Variants in RNF169 observed in about 807,000 individuals in gnomAD.
RNF169 encodes E3 ubiquitin-protein ligase RNF169.
RNF169 carries 24 observed loss-of-function variants against 53.9 expected under a neutral mutation model. That is an observed-to-expected ratio of 0.45 (90% confidence interval 0.32 to 0.63). The LOEUF (loss-of-function observed/expected upper bound fraction) is 0.63, where lower values mean the gene tolerates loss of function less well. Ranked by LOEUF, RNF169 falls within the 20% of genes least tolerant of loss-of-function variation. RNF169 has a pLI of 0.04. For missense variants in RNF169, 883 were observed against 906.2 expected (o/e 0.97, Z 0.33); for synonymous variants, 396 against 363.5 (o/e 1.09, Z -1.02).
intron 4 of RNF169, among the ~76,000 whole-genome samples, chr11:74,817,936 T>A: frequency 6.6e-6 from 1 of 152,196 alleles, no homozygotes; most frequent in East Asian, 1.9e-4. Flanking sequence ...AGGATAGGAT[T>A]GTGCTAATTG....
chr11:74,773,757 C>T (rs1243247018), intron 1 of RNF169, among the ~76,000 whole-genome samples: 1 of 152,188 alleles, frequency 6.6e-6, no homozygotes, highest in African/African-American at 2.4e-5. Context: ...TATTCTACTA[C>T]TTAGTAGCTG....
intron 2 of RNF169, among the ~76,000 whole-genome samples, chr11:74,804,274 A>G (rs905496109): frequency 3.9e-5 from 6 of 152,180 alleles, no homozygotes; most frequent in African/African-American, 1.4e-4. Context: ...AGCTGCTAGG[A>G]TAGGCTCTGG....
At chr11:74,764,503 G>A (rs2035142341) in intron 1 of RNF169, among the ~76,000 whole-genome samples, 1 of 152,070 alleles carries the variant, frequency 6.6e-6, no homozygotes. Flanking sequence ...GCAACCATGA[G>A]CAAAACTCCA....
At chr11:74,805,577 A>G (rs531415053) in intron 2 of RNF169, among the ~76,000 whole-genome samples, 5 of 152,362 alleles carry the variant, frequency 3.3e-5, no homozygotes, top group African/African-American at 1.2e-4. Flanking sequence ...TGAAAGGTCA[A>G]ATAATAAGCT....
chr11:74,780,007 T>G (rs1565175152), intron 1 of RNF169, among the ~76,000 whole-genome samples: 1 of 152,164 alleles, frequency 6.6e-6, no homozygotes, highest in Admixed American at 6.5e-5. Flanking sequence ...TATGGATAAT[T>G]GCCTTGTTTC....
chr11:74,813,883 C>T (rs1050169696), intron 3 of RNF169, among the ~76,000 whole-genome samples: 4 of 152,082 alleles, frequency 2.6e-5, no homozygotes, highest in South Asian at 2.1e-4. Context: ...GTAGAGATGG[C>T]GTTTCACCAT....
At position 74,749,110 on chromosome 11, in the gene RNF169, A is replaced by G; in HGVS notation, c.230A>G (p.Glu77Gly). The G allele has an allele frequency of 7.1e-7, 1 of 1,414,804 alleles. No individual in the cohort carries two copies. The highest frequency in any genetic ancestry group is 9.2e-7 in the Non-Finnish European group (1 of 1,082,326). The allele number at this position is 1,414,804 out of a possible 1,614,324, so 87.6% of individuals were successfully genotyped here. Reference sequence around the variant, plus strand: ...GCCGGGTGCCTGGAGCCCCCCGGAGAAGCAGCGGCCCTGCCGTGCGGCCAC... The same window carrying G: ...GCCGGGTGCCTGGAGCCCCCCGGAGGAGCAGCGGCCCTGCCGTGCGGCCAC... ...GCAGCLEPPG[E>G]AAALPCGHSL... is the part of the protein sequence containing the mutation. The change falls in exon 1 of 6, where the codon GAA becomes GGA. Residue 77 changes from glutamate (E) to glycine (G), a missense_variant. This residue lies in a region of RNF169 where 313 missense variants were observed against 279.9 expected (regional missense o/e 1.12). Coordinates refer to ENST00000299563, the MANE Select transcript of RNF169 (RefSeq NM_001098638.2).
At chr11:74,809,057 C>G (rs1196589438) in intron 2 of RNF169, among the ~76,000 whole-genome samples, 1 of 152,054 alleles carries the variant, frequency 6.6e-6, no homozygotes, top group East Asian at 1.9e-4. Context: ...AAATCAGAAA[C>G]ATAAGGCTAA....
intron 2 of RNF169, among the ~76,000 whole-genome samples, chr11:74,809,196 TAAG>T (rs2035842555): frequency 6.6e-6 from 1 of 152,158 alleles, no homozygotes; most frequent in Non-Finnish European, 1.5e-5. Flanking sequence ...ATTTTTTTCT[TAAG>T]AATAATTAAA....
intron 1 of RNF169, among the ~76,000 whole-genome samples, chr11:74,780,637 T>C (rs1175973726): frequency 6.6e-6 from 1 of 152,234 alleles, no homozygotes; most frequent in Non-Finnish European, 1.5e-5. Context: ...TGTAGTTTCA[T>C]CATGAAAATC....
At chr11:74,756,248 G>A (rs992661417) in intron 1 of RNF169, among the ~76,000 whole-genome samples, 1 of 152,202 alleles carries the variant, frequency 6.6e-6, no homozygotes, top group African/African-American at 2.4e-5. Flanking sequence ...CAACTGAAAT[G>A]TGGTATTATA....
At position 74,791,076 on chromosome 11, in the gene RNF169, G is replaced by A. The variant is rs116959745; in HGVS notation, c.576+1377G>A. ...GTACAGCGAAGAGAAGCTTTATTGA[G>A]TGACAGTACAGCTCTCAAGAGACTG... On this transcript the variant is annotated intron_variant, in intron 2 of 5. Transcript: ENST00000299563. Among the ~76,000 whole-genome samples the A allele has an allele frequency of 1.6e-3, 248 of 152,342 alleles. 8 individuals carry two copies. In the East Asian group the frequency reaches 0.042, roughly 26 times the overall value.
rs545532340 is a variant in RNF169 at position 74,818,401 on chromosome 11, CT to C, written c.842+697del. Among the ~76,000 whole-genome samples, 319 of 149,214 alleles carry C rather than the reference CT, an allele frequency of 2.1e-3. 1 individual carries two copies. The highest frequency in any genetic ancestry group is 2.5e-3 in the Non-Finnish European group (169 of 66,972). On this transcript the variant is annotated intron_variant, in intron 4 of 5. Transcript: ENST00000299563. ...TAATATACAGATGTAAAGATACAAT[CT>C]TTTTTTTTTAGACAGTGTCTCACTC...
At chr11:74,810,362 C>T (rs1396003953) in intron 3 of RNF169, 32 bp downstream of exon 3, 1 of 1,607,656 alleles carries the variant, frequency 6.2e-7, no homozygotes, top group Non-Finnish European at 8.5e-7. Flanking sequence ...TGGATACCTG[C>T]CTCAAAAATC....
chr11:74,828,632 T>C (rs765541192), intron 4 of RNF169, among the ~76,000 whole-genome samples: 7 of 152,118 alleles, frequency 4.6e-5, no homozygotes, highest in Non-Finnish European at 1.0e-4. Flanking sequence ...CAGCCTGATA[T>C]TGATACAAGA....
chr11:74,796,649 T>C (rs995533573), intron 2 of RNF169, among the ~76,000 whole-genome samples: 1 of 152,098 alleles, frequency 6.6e-6, no homozygotes, highest in African/African-American at 2.4e-5. Context: ...TTTGAATCAT[T>C]GGACTCTGAA....
At chr11:74,774,876 TTGAA>T (rs1200652411) in intron 1 of RNF169, among the ~76,000 whole-genome samples, 1 of 152,102 alleles carries the variant, frequency 6.6e-6, no homozygotes, top group Non-Finnish European at 1.5e-5. Flanking sequence ...GGAGGATTGC[TTGAA>T]TCTGGGAGGC....
intron 1 of RNF169, among the ~76,000 whole-genome samples, chr11:74,767,768 G>A (rs1047635794): frequency 2.0e-5 from 3 of 151,652 alleles, no homozygotes; most frequent in African/African-American, 7.3e-5. Context: ...TAGTAGAGAC[G>A]GGGTTTCACC....
chr11:74,802,206 G>A (rs1308897265), intron 2 of RNF169, among the ~76,000 whole-genome samples: 1 of 152,088 alleles, frequency 6.6e-6, no homozygotes, highest in Non-Finnish European at 1.5e-5. Context: ...CCCCCTATAA[G>A]CCCTATACCC....
Sources: gnomAD v4.1 joint callset for allele counts (sites outside exome capture counted in the v4.1 genomes callset) on GRCh38, gnomAD v4.1.1 for gene constraint, gnomAD v4.1.1 regional missense constraint, MANE v1.5 for transcripts, NCBI Gene and HGNC (gene_info 2026-07-23, HGNC 2026-07-21) for gene names.